Variants in ALDH9A1 observed in about 807,000 individuals in gnomAD.
The protein encoded by ALDH9A1 is 4-trimethylaminobutyraldehyde dehydrogenase.
A neutral mutation model predicts 56.6 loss-of-function variants in ALDH9A1; 42 were observed. The ratio of observed to expected loss-of-function variants is 0.74; its 90% confidence interval spans 0.58 to 0.96. The LOEUF (loss-of-function observed/expected upper bound fraction) is 0.96, where lower values mean the gene tolerates loss of function less well. Ranked by LOEUF, ALDH9A1 falls within the 40% of genes least tolerant of loss-of-function variation. The pLI is 0.00. For synonymous variants in ALDH9A1, 242 were observed against 236.0 expected (o/e 1.03, Z -0.23); for missense variants, 661 against 651.5 (o/e 1.01, Z -0.16).
At chr1:165,671,381 G>A (rs1340534188) in intron 6 of ALDH9A1, 2 of 454,264 alleles carry the variant, frequency 4.4e-6, no homozygotes, top group African/African-American at 2.0e-5. Flanking sequence ...ACATGAAGGA[G>A]CAGATTTAAA....
At chr1:165,686,187 A>G (rs1450474720) in intron 2 of ALDH9A1, among the ~76,000 whole-genome samples, 1 of 152,224 alleles carries the variant, frequency 6.6e-6, no homozygotes, top group Non-Finnish European at 1.5e-5. Flanking sequence ...GACATCAGAC[A>G]TTAAGCAACT....
At chr1:165,682,077 C>T in intron 4 of ALDH9A1, 30 bp downstream of exon 4, 3 of 1,611,980 alleles carry the variant, frequency 1.9e-6, no homozygotes, top group Non-Finnish European at 2.5e-6. Context: ...GAACGAATGG[C>T]TCTCAAATGG....
At chr1:165,673,629 C>T (rs1039458082) in intron 6 of ALDH9A1, among the ~76,000 whole-genome samples, 6 of 152,064 alleles carry the variant, frequency 3.9e-5, no homozygotes, top group East Asian at 1.9e-4. Context: ...TGTCGGAACT[C>T]AGAGTTATAA....
intron 8 of ALDH9A1, 196 bp downstream of exon 8, chr1:165,668,730 A>T: frequency 4.3e-6 from 2 of 468,096 alleles, no homozygotes; most frequent in South Asian, 7.7e-5. Flanking sequence ...AAACTAATAC[A>T]TATGGGTGCC....
At chr1:165,674,637 G>A (rs971746722) in intron 6 of ALDH9A1, among the ~76,000 whole-genome samples, 10 of 140,044 alleles carry the variant, frequency 7.1e-5, no homozygotes, top group African/African-American at 5.4e-5. Context: ...AGTGAGCTGA[G>A]ATCGTGCCAT....
At chr1:165,689,379 T>C (rs1179155882) in intron 2 of ALDH9A1, among the ~76,000 whole-genome samples, 3 of 152,238 alleles carry the variant, frequency 2.0e-5, no homozygotes, top group Non-Finnish European at 4.4e-5. Flanking sequence ...TTCCTGTTCC[T>C]GAAACATGTG....
At chr1:165,695,920 T>C (rs1650068449) in intron 1 of ALDH9A1, among the ~76,000 whole-genome samples, 1 of 151,940 alleles carries the variant, frequency 6.6e-6, no homozygotes, top group Non-Finnish European at 1.5e-5. Context: ...GGCACGATCT[T>C]GACTCACTGC....
In ALDH9A1 at chr1:165,667,337, A is replaced by G. The variant is rs1649038295; in HGVS notation, c.1321T>C (p.Phe441Leu). The G allele has an allele frequency of 6.2e-7, 1 of 1,613,988 alleles. No homozygotes were observed. Among genetic ancestry groups the G allele is most frequent in the African/African-American group, 1.3e-5 (1 of 74,918 alleles). The change falls in exon 9 of 11, where the codon TTT becomes CTT. Residue 441 changes from phenylalanine to leucine, a missense_variant. Transcript: ENST00000354775. ...EVLERANDTT[F>L]GLAAGVFTRD... ...GTAAAGACGCCAGCTGCTAGTCCAAAAGTGGTATCATTGGCTCTTTCTAGA... is the reference window on the plus strand; with the variant it reads ...GTAAAGACGCCAGCTGCTAGTCCAAGAGTGGTATCATTGGCTCTTTCTAGA...
rs748671962 is a variant in ALDH9A1, at chr1:165,664,526, C to T, written c.1462+492G>A. ...TATATGCCATCAAGGGTAATGAAAA[C>T]GATTATAATTGATTGCTTAATGATA... is the stretch of plus-strand genomic sequence containing the variant. On this transcript the variant is annotated intron_variant, in intron 10 of 10. Coordinates refer to ENST00000354775, the MANE Select transcript of ALDH9A1 (RefSeq NM_000696.4). Among the ~76,000 whole-genome samples, 6 of 152,194 alleles carry T rather than the reference C, an allele frequency of 3.9e-5. No homozygotes were observed. The East Asian group carries it at 5.8e-4, about 15-fold the overall frequency.
intron 2 of ALDH9A1, among the ~76,000 whole-genome samples, chr1:165,690,020 C>G (rs994848478): frequency 3.4e-5 from 4 of 118,400 alleles, no homozygotes; most frequent in African/African-American, 1.2e-4. Flanking sequence ...CCATCCTTCT[C>G]TGTGATCCAA....
In ALDH9A1 at chr1:165,684,933, T is replaced by C. The variant is rs188236784; in HGVS notation, c.328-1823A>G. Among the ~76,000 whole-genome samples, 524 of 152,160 alleles carry C rather than the reference T, an allele frequency of 3.4e-3. 1 individual carries two copies. Among genetic ancestry groups the C allele is most frequent in the Middle Eastern group, 0.02 (6 of 294 alleles). On this transcript the variant is annotated intron_variant, in intron 2 of 10. Transcript: ENST00000354775. ...TTGGGGTTTCAACTCTCAGAGAAAATTCAGTTAATTAGATGGCCTTGGGAA... is the reference window on the plus strand; with the variant it reads ...TTGGGGTTTCAACTCTCAGAGAAAACTCAGTTAATTAGATGGCCTTGGGAA...
rs532037611 is a variant in ALDH9A1 at position 165,692,167 on chromosome 1, A to G, written c.327+3085T>C. The stretch of plus-strand genomic sequence containing the variant: ...CCTTTGAAAACTGGCACAAGACATG[A>G]ATGCCCTCTCTCACCACTCCTATTC... On this transcript the variant is annotated intron_variant, in intron 2 of 10. Coordinates refer to ENST00000354775, the MANE Select transcript of ALDH9A1 (RefSeq NM_000696.4). 5.4e-4 allele frequency among the ~76,000 whole-genome samples: 82 copies of G among 152,318 alleles called. 1 individual carries two copies. The East Asian group carries it at 0.015, about 28-fold the overall frequency.
At chr1:165,691,521 T>C (rs1189392807) in intron 2 of ALDH9A1, among the ~76,000 whole-genome samples, 3 of 152,178 alleles carry the variant, frequency 2.0e-5, no homozygotes, top group African/African-American at 7.2e-5. Flanking sequence ...GGAACAAAGC[T>C]GCACGGAGAA....
At chr1:165,693,137 T>G (rs1257362199) in intron 2 of ALDH9A1, among the ~76,000 whole-genome samples, 1 of 152,118 alleles carries the variant, frequency 6.6e-6, no homozygotes, top group Non-Finnish European at 1.5e-5. Flanking sequence ...GGCAATACCA[T>G]TCAGGACACA....
chr1:165,678,646 C>G (rs1398951025), intron 6 of ALDH9A1, among the ~76,000 whole-genome samples: 2 of 152,164 alleles, frequency 1.3e-5, no homozygotes, highest in East Asian at 3.8e-4. Flanking sequence ...CAAAATACCT[C>G]CTACAAGATC....
chr1:165,668,460 G>A (rs1408469092), intron 8 of ALDH9A1, among the ~76,000 whole-genome samples: 2 of 152,084 alleles, frequency 1.3e-5, no homozygotes, highest in African/African-American at 4.8e-5. Context: ...ATCTTCCTGA[G>A]GCCTCAACAG....
At chr1:165,694,713 T>C (rs1650009519) in intron 2 of ALDH9A1, among the ~76,000 whole-genome samples, 1 of 152,172 alleles carries the variant, frequency 6.6e-6, no homozygotes, top group Admixed American at 6.5e-5. Context: ...TCCCAGCATT[T>C]TGTGAGGCCG....
chr1:165,682,746 G>C (rs1452105235), intron 3 of ALDH9A1: 1 of 457,746 alleles, frequency 2.2e-6, no homozygotes, highest in Non-Finnish European at 3.8e-6. Context: ...CAGGTATCAT[G>C]CTAGGTGCTT....
At chr1:165,687,927 G>A (rs1649763028) in intron 2 of ALDH9A1, among the ~76,000 whole-genome samples, 1 of 151,958 alleles carries the variant, frequency 6.6e-6, no homozygotes, top group South Asian at 2.1e-4. Context: ...GGCGGAGGTT[G>A]CAGTGAGCCG....
Sources: gnomAD v4.1 joint callset for allele counts (sites outside exome capture counted in the v4.1 genomes callset) on GRCh38, gnomAD v4.1.1 for gene constraint, MANE v1.5 for transcripts, NCBI Gene and HGNC (gene_info 2026-07-23, HGNC 2026-07-21) for gene names.